Variants in MEGF9 observed in about 807,000 individuals in gnomAD.
MEGF9 encodes multiple EGF like domains 9.
MEGF9 carries 6 observed loss-of-function variants against 46.8 expected under a neutral mutation model. The observed-to-expected ratio is 0.13, with a 90% confidence interval of 0.07 to 0.25. The LOEUF is 0.25. MEGF9 is among the 10% of genes least tolerant of loss of function. The pLI is 1.00. For missense variants in MEGF9, 683 were observed against 792.4 expected, an observed-to-expected ratio of 0.86 and a Z score of 1.66; for synonymous variants, 302 against 330.7, an observed-to-expected ratio of 0.91 and a Z score of 0.94.
chr9:120,647,466 C>T (rs1203172219), intron 2 of MEGF9, among the ~76,000 whole-genome samples: 1 of 151,994 alleles, frequency 6.6e-6, no homozygotes, highest in African/African-American at 2.4e-5. Context: ...TCAAATGAAT[C>T]ACAATAAGAT....
intron 2 of MEGF9, 151 bp downstream of exon 2, chr9:120,659,223 T>C (rs1043280478): frequency 2.4e-5 from 12 of 494,744 alleles, no homozygotes; most frequent in African/African-American, 2.4e-4. Context: ...ATATAACATA[T>C]AAAGTAAGAG....
At chr9:120,672,556 G>A (rs891273512) in intron 1 of MEGF9, among the ~76,000 whole-genome samples, 16 of 152,172 alleles carry the variant, frequency 1.1e-4, no homozygotes, top group African/African-American at 3.6e-4. Flanking sequence ...AGGAGGTCAA[G>A]GCAGTAGTGA....
At chr9:120,656,836 A>G (rs993439512) in intron 2 of MEGF9, among the ~76,000 whole-genome samples, 4 of 152,146 alleles carry the variant, frequency 2.6e-5, no homozygotes, top group Non-Finnish European at 5.9e-5. Context: ...TAATCCCAGC[A>G]CTTTGGGAGG....
chr9:120,624,026 A>T (rs1371969625), intron 2 of MEGF9, among the ~76,000 whole-genome samples: 5 of 152,242 alleles, frequency 3.3e-5, no homozygotes, highest in Non-Finnish European at 7.3e-5. Flanking sequence ...ATCACTTAAT[A>T]ATATTGTGTA....
rs756950624 is a variant in MEGF9, at chr9:120,659,498, G to T, written c.679C>A (p.Arg227=). Residue 227 remains arginine, a synonymous_variant, in exon 2 of 6, where the codon CGG becomes AGG. Coordinates refer to ENST00000373930, the MANE Select transcript of MEGF9 (RefSeq NM_001080497.3). ...CNQTTGQCEC[R]PGYQGLHCET... ...CAGTGAAGCCCCTGATAACCTGGCC[G>T]ACACTCACACTGCCCTGTGGTCTGG... 6.2e-7 allele frequency: 1 copy of T among 1,613,726 alleles called. No homozygotes were observed. Among genetic ancestry groups the T allele is most frequent in the South Asian group, 1.1e-5 (1 of 91,038 alleles).
intron 1 of MEGF9, among the ~76,000 whole-genome samples, chr9:120,662,583 G>A (rs1029562152): frequency 5.3e-5 from 8 of 152,248 alleles, no homozygotes; most frequent in Admixed American, 2.0e-4. Flanking sequence ...TAAGCTCTGC[G>A]TGCCTTTATT....
At chr9:120,647,315 T>C (rs966605293) in intron 2 of MEGF9, among the ~76,000 whole-genome samples, 2 of 152,210 alleles carry the variant, frequency 1.3e-5, no homozygotes, top group African/African-American at 4.8e-5. Context: ...TAAATCCCAA[T>C]GCACTCAGTG....
chr9:120,633,793 C>A (rs763158487), intron 2 of MEGF9, among the ~76,000 whole-genome samples: 1 of 152,078 alleles, frequency 6.6e-6, no homozygotes, highest in African/African-American at 2.4e-5. Flanking sequence ...TGGGATGTTG[C>A]GTTTCTATTT....
chr9:120,602,169 A>G lies in MEGF9; in HGVS notation c.*3021T>C, dbSNP rs1191979111. 5 of 152,114 alleles carry G rather than the reference A, an allele frequency of 3.3e-5. No homozygotes were observed. Among genetic ancestry groups the G allele is most frequent in the African/African-American group, 1.2e-4 (5 of 41,398 alleles). 9.4% of individuals were successfully genotyped at this position (152,114 alleles called of 1,614,324 possible). A position where few individuals can be genotyped will look rare whatever the true frequency, so the allele number is the denominator to read the frequency against. Reference sequence around the variant, plus strand: ...AGACTACAGGCACGTACACCCGGCTAATTTTTGTGTTTTTAGTAGAGACGG... The same window carrying G: ...AGACTACAGGCACGTACACCCGGCTGATTTTTGTGTTTTTAGTAGAGACGG... On this transcript the variant is annotated 3_prime_UTR_variant, in exon 6 of 6. Coordinates refer to ENST00000373930, the MANE Select transcript of MEGF9 (RefSeq NM_001080497.3).
At chr9:120,687,167 C>T (rs1217816935) in intron 1 of MEGF9, among the ~76,000 whole-genome samples, 1 of 152,184 alleles carries the variant, frequency 6.6e-6, no homozygotes, top group Non-Finnish European at 1.5e-5. Context: ...TCATACATTC[C>T]TGGTTGAAAT....
In MEGF9 at chr9:120,659,474, A is replaced by G; in HGVS notation, c.703T>C (p.Cys235Arg). 6.2e-7 allele frequency: 1 copy of G among 1,613,848 alleles called. No homozygotes were observed. The highest frequency in any genetic ancestry group is 8.5e-7 in the Non-Finnish European group (1 of 1,179,858). The change falls in exon 2 of 6, where the codon TGT becomes CGT. Residue 235 changes from cysteine to arginine, a missense_variant. Physicochemically the swap from Cys to Arg is radical, Grantham distance 180 (BLOSUM62 -3). Coordinates refer to ENST00000373930, the MANE Select transcript of MEGF9 (RefSeq NM_001080497.3). ...ECRPGYQGLH[C>R]ETCKEGFYLN... ...TAAAAGCCCTCTTTGCAGGTTTCAC[A>G]GTGAAGCCCCTGATAACCTGGCCGA...
At chr9:120,676,566 C>A (rs1334189220) in intron 1 of MEGF9, among the ~76,000 whole-genome samples, 1 of 151,808 alleles carries the variant, frequency 6.6e-6, no homozygotes, top group African/African-American at 2.4e-5. Context: ...TAATGGTATT[C>A]CCCTTGATTT....
chr9:120,698,367 T>C (rs1434380813), intron 1 of MEGF9, among the ~76,000 whole-genome samples: 2 of 152,224 alleles, frequency 1.3e-5, no homozygotes, highest in Admixed American at 1.3e-4. Flanking sequence ...GTCTTCTATT[T>C]AGTCCAGTTC....
At chr9:120,705,924 A>C (rs2043927167) in intron 1 of MEGF9, among the ~76,000 whole-genome samples, 2 of 152,180 alleles carry the variant, frequency 1.3e-5, no homozygotes, top group Non-Finnish European at 2.9e-5. Flanking sequence ...CACCTAAAAA[A>C]AACCACACAA....
chr9:120,657,311 A>G (rs1268093240), intron 2 of MEGF9, among the ~76,000 whole-genome samples: 1 of 152,248 alleles, frequency 6.6e-6, no homozygotes, highest in African/African-American at 2.4e-5. Context: ...TTTTCAGGAT[A>G]GGGTTTCAGC....
chr9:120,686,955 G>C (rs2043825492), intron 1 of MEGF9, among the ~76,000 whole-genome samples: 1 of 151,540 alleles, frequency 6.6e-6, no homozygotes, highest in South Asian at 2.1e-4. Flanking sequence ...GTTTGTGTGT[G>C]TGTGTGTGTA....
intron 1 of MEGF9, among the ~76,000 whole-genome samples, chr9:120,706,754 G>C (rs1030949143): frequency 2.0e-5 from 3 of 152,188 alleles, no homozygotes; most frequent in African/African-American, 7.2e-5. Context: ...AGAATCATTT[G>C]AGCCCAGGAG....
Position 120,714,361 on chromosome 9 carries a change from A to G in MEGF9, c.-3T>C. The G allele has an allele frequency of 7.5e-7, 1 of 1,327,610 alleles. No individual in the cohort carries two copies. The highest frequency in any genetic ancestry group is 1.5e-5 in the African/African-American group (1 of 65,122). The allele number at this position is 1,327,610 out of a possible 1,614,324, so 82.2% of individuals were successfully genotyped here. A position where few individuals can be genotyped will look rare whatever the true frequency, so the allele number is the denominator to read the frequency against. ...GCGCGCTCGGCTCCGCCATTCATTC[A>G]TTCAGCCAGTCGGTTGGTCAGTCAT... On this transcript the variant is annotated 5_prime_UTR_variant, in exon 1 of 6. The change abolishes an upstream ATG in the 5' untranslated region. Coordinates refer to ENST00000373930, the MANE Select transcript of MEGF9 (RefSeq NM_001080497.3).
rs988834088 is a variant in MEGF9, at chr9:120,679,788, A to G, written c.602-20213T>C. 3.9e-5 allele frequency among the ~76,000 whole-genome samples: 6 copies of G among 152,086 alleles called. No homozygotes were observed. In the Middle Eastern group the frequency reaches 0.014, roughly 345 times the overall value. The stretch of plus-strand genomic sequence containing the variant: ...CCCCGTCTCTACTAAAAATACAAAA[A>G]TTAGCCGGGTGTGGTGGCAAGCACT... On this transcript the variant is annotated intron_variant, in intron 1 of 5. Coordinates refer to ENST00000373930, the MANE Select transcript of MEGF9 (RefSeq NM_001080497.3).
Sources: gnomAD v4.1 joint callset for allele counts (sites outside exome capture counted in the v4.1 genomes callset) on GRCh38, gnomAD v4.1.1 for gene constraint, MANE v1.5 for transcripts, NCBI Gene and HGNC (gene_info 2026-07-23, HGNC 2026-07-21) for gene names.